The following CCDC3 variants were observed in gnomAD, a reference collection of about 807,000 sequenced individuals.
The protein encoded by CCDC3 is coiled-coil domain containing 3, also known as coiled-coil domain-containing protein 3.
Under a neutral mutation model 21.4 loss-of-function variants are expected in CCDC3, and 24 were observed. The ratio of observed to expected loss-of-function variants is 1.12; its 90% CI spans 0.81 to 1.58. CCDC3 has a LOEUF of 1.58. CCDC3 is among the 40% of genes most tolerant of loss of function. The probability of loss-of-function intolerance (pLI) is 0.00; values close to 1 mark genes in which losing one functional copy is unlikely to be tolerated. For missense variants in CCDC3, 425 were observed against 360.9 expected, an observed-to-expected ratio of 1.18 and a Z score of -1.44; for synonymous variants, 186 against 166.0, an observed-to-expected ratio of 1.12 and a Z score of -0.93.
At chr10:12,966,924 G>A (rs978293928) in intron 2 of CCDC3, among the ~76,000 whole-genome samples, 1 of 152,190 alleles carries the variant, frequency 6.6e-6, no homozygotes, top group African/African-American at 2.4e-5. Flanking sequence ...GAGGAAGGCA[G>A]GGTGTGGAAA....
At chr10:12,947,985 CA>C (rs1219302945) in intron 2 of CCDC3, among the ~76,000 whole-genome samples, 3 of 152,192 alleles carry the variant, frequency 2.0e-5, no homozygotes, top group African/African-American at 7.2e-5. Context: ...TGAACACATG[CA>C]GCCTGACTCC....
chr10:12,903,214 T>C (rs952102486), intron 2 of CCDC3, among the ~76,000 whole-genome samples: 1 of 152,132 alleles, frequency 6.6e-6, no homozygotes, highest in African/African-American at 2.4e-5. Context: ...GAATTGAGGC[T>C]AACGCCATAA....
chr10:12,898,194 G>A lies in CCDC3; in HGVS notation c.*222C>T. On this transcript the variant is annotated 3_prime_UTR_variant, in exon 3 of 3. Transcript: ENST00000378825. ...CACTGCCTCTGGACTGCCAGGCACT[G>A]CGTCTGGGGTCAGGCCAGGAAGGGG... The A allele has an allele frequency of 1.7e-6, 1 of 586,524 alleles. No individual in the cohort carries two copies. Among genetic ancestry groups the A allele is most frequent in the Non-Finnish European group, 3.0e-6 (1 of 336,364 alleles). 36.3% of individuals were successfully genotyped at this position (586,524 alleles called of 1,614,324 possible). A position where few individuals can be genotyped will look rare whatever the true frequency, so the allele number is the denominator to read the frequency against.
chr10:13,019,813 T>C (rs895846771), intron 5 of CCDC3, among the ~76,000 whole-genome samples: 3 of 152,002 alleles, frequency 2.0e-5, no homozygotes, highest in Non-Finnish European at 2.9e-5. Context: ...CTGACCAATA[T>C]GGTGAAACCC....
At chr10:13,066,636 C>A (rs1158981682) in intron 4 of CCDC3, among the ~76,000 whole-genome samples, 1 of 152,170 alleles carries the variant, frequency 6.6e-6, no homozygotes, top group African/African-American at 2.4e-5. Context: ...AAAACAGTGT[C>A]CCCAGAGAAC....
intron 2 of CCDC3, among the ~76,000 whole-genome samples, chr10:12,974,378 C>A (rs1254871323): frequency 6.6e-6 from 1 of 152,236 alleles, no homozygotes; most frequent in Non-Finnish European, 1.5e-5. Context: ...CTGGCAGGGA[C>A]TGACCTTATC....
Position 13,001,295 on chromosome 10 carries a change from C to T in CCDC3, c.276G>A (p.Glu92=). Reference sequence around the variant, plus strand: ...GGTTGAGCCTGGAGCCGGCGGGCACCTCCAGCATGCTGCCCCACGCCTGGT... The same window carrying T: ...GGTTGAGCCTGGAGCCGGCGGGCACTTCCAGCATGCTGCCCCACGCCTGGT... The part of the protein sequence containing the change: ...LCDQAWGSML[E]VPAGSRLNLT... The change falls in exon 1 of 3, where the codon GAG becomes GAA. Residue 92 remains glutamate (E), a synonymous_variant. Coordinates refer to ENST00000378825, the MANE Select transcript of CCDC3 (RefSeq NM_031455.4). 1.2e-6 allele frequency: 2 copies of T among 1,605,950 alleles called. No homozygotes were observed. The highest frequency in any genetic ancestry group is 1.7e-6 in the Non-Finnish European group (2 of 1,177,440).
Position 12,905,165 on chromosome 10 carries a change from A to G in CCDC3, c.550-6486T>C, listed in dbSNP as rs905214934. 9.8e-5 allele frequency among the ~76,000 whole-genome samples: 15 copies of G among 152,362 alleles called. No homozygotes were observed. In the East Asian group the frequency reaches 2.5e-3, roughly 25 times the overall value. The stretch of plus-strand genomic sequence containing the variant: ...TTGTTCCTGTTCTCGGGATTCAAAA[A>G]TGAGAAGGAAGAAAAAAGAAAACCC... On this transcript the variant is annotated intron_variant, in intron 2 of 2. Transcript: ENST00000378825.
chr10:13,000,317 ACT>A (rs1028138585), intron 1 of CCDC3, among the ~76,000 whole-genome samples: 4 of 152,158 alleles, frequency 2.6e-5, no homozygotes, highest in Admixed American at 1.3e-4. Context: ...TCTACCTGGC[ACT>A]CTCTATTCAA....
chr10:12,908,955 A>G lies in CCDC3; in HGVS notation c.550-10276T>C, dbSNP rs566017714. Among the ~76,000 whole-genome samples the G allele has an allele frequency of 3.3e-5, 5 of 152,234 alleles. No homozygotes were observed. The South Asian group carries it at 1.0e-3, about 32-fold the overall frequency. ...GAGTGCAGAGAAGGTGTCCAGGTGT[A>G]GTGGGAAGGAAGATGTTCTACTTTT... On this transcript the variant is annotated intron_variant, in intron 2 of 2. Coordinates refer to ENST00000378825, the MANE Select transcript of CCDC3 (RefSeq NM_031455.4).
rs115190340 is a variant in CCDC3 at position 12,905,988 on chromosome 10, C to T, written c.550-7309G>A. ...TTGATGGGAAGCCCATGGGCCTTTA[C>T]CCACGTCCTCCGTAGTGCCTTTTGG... On this transcript the variant is annotated intron_variant, in intron 2 of 2. Coordinates refer to ENST00000378825, the MANE Select transcript of CCDC3 (RefSeq NM_031455.4). Among the ~76,000 whole-genome samples, 605 of 152,312 alleles carry T rather than the reference C, an allele frequency of 4.0e-3. 8 individuals carry two copies. The highest frequency in any genetic ancestry group is 0.013 in the African/African-American group (559 of 41,570).
At chr10:13,012,281 C>G (rs1023168562) in intron 5 of CCDC3, among the ~76,000 whole-genome samples, 6 of 152,102 alleles carry the variant, frequency 3.9e-5, no homozygotes, top group African/African-American at 1.4e-4. Context: ...AGAAAATATT[C>G]ACAAACTATA....
intron 5 of CCDC3, among the ~76,000 whole-genome samples, chr10:13,021,526 C>T (rs1265687933): frequency 1.3e-5 from 2 of 152,188 alleles, no homozygotes; most frequent in Non-Finnish European, 2.9e-5. Flanking sequence ...TCTATTCTGC[C>T]CAGAGGTGCG....
At chr10:13,088,341 G>C (rs1837137772) in intron 3 of CCDC3, among the ~76,000 whole-genome samples, 1 of 152,170 alleles carries the variant, frequency 6.6e-6, no homozygotes, top group East Asian at 1.9e-4. Context: ...TTCTATTGGA[G>C]AGCTGTAACT....
intron 5 of CCDC3, among the ~76,000 whole-genome samples, chr10:13,033,891 G>C (rs1836339451): frequency 6.6e-6 from 1 of 152,210 alleles, no homozygotes; most frequent in African/African-American, 2.4e-5. Flanking sequence ...TACACTGTTG[G>C]TGGGACTGTA....
At chr10:12,931,719 G>A (rs1215687593) in intron 2 of CCDC3, among the ~76,000 whole-genome samples, 1 of 152,172 alleles carries the variant, frequency 6.6e-6, no homozygotes, top group Non-Finnish European at 1.5e-5. Context: ...CTTAAAATAT[G>A]TAGACTCATT....
chr10:12,992,542 A>T (rs1179912222), intron 2 of CCDC3, among the ~76,000 whole-genome samples: 2 of 152,164 alleles, frequency 1.3e-5, no homozygotes, highest in African/African-American at 4.8e-5. Context: ...TTCTAAATGA[A>T]GTAACTCAGG....
At chr10:12,973,819 T>C (rs1370239361) in intron 2 of CCDC3, among the ~76,000 whole-genome samples, 1 of 152,244 alleles carries the variant, frequency 6.6e-6, no homozygotes, top group Non-Finnish European at 1.5e-5. Context: ...GCCTCTTGCA[T>C]GACCCTGGCT....
rs1457216336 is a variant in CCDC3, at chr10:13,065,141, ATG to A, written c.-270+8725_-270+8726del. On this transcript the variant is annotated intron_variant, in intron 4 of 6. Coordinates refer to the CCDC3 transcript ENST00000378839. ...ATAGTATGTCTAAGTAGAAGTCTTA[ATG>A]AATACAGATCTCTTTGTTAAATAAG... 2.0e-4 allele frequency among the ~76,000 whole-genome samples: 31 copies of A among 152,324 alleles called. No individual in the cohort carries two copies. In the East Asian group the frequency reaches 6.0e-3, roughly 29 times the overall value.
Sources: allele counts gnomAD v4.1 joint callset (sites outside exome capture counted in the v4.1 genomes callset), GRCh38; gene constraint gnomAD v4.1.1; transcripts MANE v1.5; gene names NCBI Gene and HGNC (gene_info 2026-07-23, HGNC 2026-07-21).